EHBP1: variants seen among roughly 807,000 people sequenced by gnomAD.
The protein encoded by EHBP1 is EH domain-binding protein 1.
A neutral mutation model predicts 144.0 loss-of-function variants in EHBP1; 55 were observed. The ratio of observed to expected loss-of-function variants is 0.38; its 90% CI spans 0.31 to 0.48. The LOEUF is 0.48. Among genes scored for constraint, EHBP1 ranks in the 20% least tolerant of loss-of-function variants. The pLI, the probability that EHBP1 is intolerant of heterozygous loss-of-function variation, is 0.98. For missense variants in EHBP1, 1,200 were observed against 1,364.2 expected (o/e 0.88, Z 1.90); for synonymous variants, 469 against 472.7 (o/e 0.99, Z 0.10).
At chr2:62,809,724 T>C (rs1009965655) in intron 5 of EHBP1, among the ~76,000 whole-genome samples, 1 of 152,198 alleles carries the variant, frequency 6.6e-6, no homozygotes, top group African/African-American at 2.4e-5. Context: ...CAATGTTTAG[T>C]TCCCACTGAT....
intron 19 of EHBP1, among the ~76,000 whole-genome samples, chr2:63,005,950 T>C (rs2060019889): frequency 6.6e-6 from 1 of 152,054 alleles, no homozygotes. Context: ...TTTTTCATGT[T>C]TATTTTATAT....
chr2:62,893,826 T>G (rs1488244692), intron 10 of EHBP1, among the ~76,000 whole-genome samples: 1 of 152,034 alleles, frequency 6.6e-6, no homozygotes, highest in Non-Finnish European at 1.5e-5. Flanking sequence ...GGCAGATCAC[T>G]TGAGCTCAGG....
intron 13 of EHBP1, among the ~76,000 whole-genome samples, chr2:62,952,365 C>T (rs2057436633): frequency 6.6e-6 from 1 of 152,124 alleles, no homozygotes; most frequent in Non-Finnish European, 1.5e-5. Context: ...CATCTTTTTA[C>T]ATTTTAACTT....
chr2:62,686,400 C>T (rs954867387), intron 1 of EHBP1, among the ~76,000 whole-genome samples: 1 of 152,176 alleles, frequency 6.6e-6, no homozygotes, highest in Admixed American at 6.5e-5. Flanking sequence ...TTTCCCTGCA[C>T]TTCTTCCTCT....
intron 3 of EHBP1, among the ~76,000 whole-genome samples, chr2:62,755,996 G>A (rs565711325): frequency 4.6e-5 from 7 of 151,998 alleles, no homozygotes; most frequent in Non-Finnish European, 8.8e-5. Flanking sequence ...TACCCTGGCT[G>A]GTTGTGGTGC....
chr2:63,011,340 G>T (rs1359886212), intron 19 of EHBP1, among the ~76,000 whole-genome samples: 1 of 151,780 alleles, frequency 6.6e-6, no homozygotes. Context: ...GAACACTTGT[G>T]AAGAAGCTTC....
chr2:63,030,661 T>G (rs1013022360), intron 19 of EHBP1, among the ~76,000 whole-genome samples: 18 of 149,588 alleles, frequency 1.2e-4, no homozygotes, highest in Non-Finnish European at 2.7e-4. Flanking sequence ...CTAATTTTTT[T>G]TTTGTATTTT....
chr2:62,729,385 C>A (rs12995972), intron 2 of EHBP1, among the ~76,000 whole-genome samples: 39,368 of 110,818 alleles, frequency 0.36, 6,588 homozygotes, highest in Middle Eastern at 0.54. Flanking sequence ...TAATAAATAT[C>A]ATATTTATTA....
At chr2:62,947,296 A>T (rs1290822042) in intron 12 of EHBP1, among the ~76,000 whole-genome samples, 1 of 152,202 alleles carries the variant, frequency 6.6e-6, no homozygotes, top group East Asian at 1.9e-4. Context: ...TATGAGACAA[A>T]GATTAAATTC....
intron 5 of EHBP1, among the ~76,000 whole-genome samples, chr2:62,788,094 C>T (rs2152439748): frequency 6.6e-6 from 1 of 152,106 alleles, no homozygotes; most frequent in Admixed American, 6.5e-5. Flanking sequence ...TTAAAGAATG[C>T]CTCTTTTAAA....
intron 14 of EHBP1, among the ~76,000 whole-genome samples, chr2:62,964,410 T>C (rs2058145742): frequency 6.6e-6 from 1 of 152,214 alleles, no homozygotes; most frequent in African/African-American, 2.4e-5. Flanking sequence ...ACTAAAGCTG[T>C]ATTTTATATT....
intron 14 of EHBP1, among the ~76,000 whole-genome samples, chr2:62,963,083 C>G (rs577347808): frequency 2.0e-5 from 3 of 152,104 alleles, no homozygotes; most frequent in Non-Finnish European, 4.4e-5. Flanking sequence ...AAACAGTATA[C>G]GTGGGAAAGG....
chr2:63,020,747 C>T (rs1478098438), intron 19 of EHBP1, among the ~76,000 whole-genome samples: 1 of 151,332 alleles, frequency 6.6e-6, no homozygotes, highest in Non-Finnish European at 1.5e-5. Flanking sequence ...AGCGCGATCT[C>T]GGCTCACTGC....
chr2:62,979,080 G>C, intron 14 of EHBP1, 108 bp from the exon 15 acceptor site: 1 of 1,070,648 alleles, frequency 9.3e-7, no homozygotes, highest in Middle Eastern at 2.3e-4. Flanking sequence ...TATTTATAAT[G>C]TGGGCCAAGC....
intron 10 of EHBP1, among the ~76,000 whole-genome samples, chr2:62,905,673 A>G (rs906317738): frequency 2.0e-5 from 3 of 151,896 alleles, no homozygotes; most frequent in African/African-American, 7.3e-5. Context: ...AAAATACAAA[A>G]ATTAGCCAGG....
chr2:62,921,902 C>T (rs536272718), intron 10 of EHBP1, among the ~76,000 whole-genome samples: 8 of 152,176 alleles, frequency 5.3e-5, no homozygotes, highest in African/African-American at 1.4e-4. Context: ...ATCTGCCAGG[C>T]GTGGTGGCTC....
chr2:62,725,743 A>G (rs1281125413), intron 2 of EHBP1, among the ~76,000 whole-genome samples: 3 of 152,158 alleles, frequency 2.0e-5, no homozygotes, highest in Admixed American at 2.0e-4. Context: ...TGGGCAGCTG[A>G]TGGAGCAAGG....
At position 62,947,048 on chromosome 2, in the gene EHBP1, C is replaced by T. The variant is rs564275517; in HGVS notation, c.1414-1212C>T. Among the ~76,000 whole-genome samples, 6 of 152,240 alleles carry T rather than the reference C, an allele frequency of 3.9e-5. No homozygotes were observed. The East Asian group carries it at 9.7e-4, about 25-fold the overall frequency. ...TTCCCTGATGGCCTGCAATTGATGC[C>T]TGTCAGTCAAGTTGTCAAGACACAT... On this transcript the variant is annotated intron_variant, in intron 12 of 22. Transcript: ENST00000431489.
At position 62,713,253 on chromosome 2, in the gene EHBP1, C is replaced by CT. The variant is rs36061722; in HGVS notation, c.104+5975dup. Among the ~76,000 whole-genome samples, 1,087 of 136,660 alleles carry CT rather than the reference C, an allele frequency of 8.0e-3. 10 individuals are homozygous for CT. Among genetic ancestry groups the CT allele is most frequent in the East Asian group, 0.036 (172 of 4,736 alleles). 89.7% of individuals were successfully genotyped at this position (136,660 alleles called of 152,430 possible). ...AAGACAGGGAGTCAGGTGCTAAACT[C>CT]TTTTTTTTTTTTTTTTTGAGACAGA... On this transcript the variant is annotated intron_variant, in intron 2 of 22. Coordinates refer to ENST00000431489, the MANE Select transcript of EHBP1 (RefSeq NM_001142616.3).
Sources: gnomAD v4.1 joint callset for allele counts (sites outside exome capture counted in the v4.1 genomes callset) on GRCh38, gnomAD v4.1.1 for gene constraint, MANE v1.5 for transcripts, NCBI Gene and HGNC (gene_info 2026-07-23, HGNC 2026-07-21) for gene names.